CLEC12A: variants seen among roughly 807,000 people sequenced by gnomAD.
CLEC12A encodes C-type lectin protein CLL-1.
A neutral mutation model predicts 26.5 loss-of-function variants in CLEC12A; 22 were observed. That is an observed-to-expected ratio of 0.83 (90% CI 0.59 to 1.19). The LOEUF is 1.19. Among genes scored for constraint, CLEC12A ranks in the 50% most tolerant of loss-of-function variants. The pLI, the probability that CLEC12A is intolerant of heterozygous loss-of-function variation, is 0.00. For missense variants in CLEC12A, 353 were observed against 315.6 expected (o/e 1.12, Z -0.90); for synonymous variants, 119 against 101.9 (o/e 1.17, Z -1.01).
downstream of CLEC12A, chr12:9,986,056 G>A (rs2137214593): frequency 9.0e-6 from 4 of 443,000 alleles, no homozygotes; most frequent in Middle Eastern, 1.3e-3. Context: ...TATAGTTTGT[G>A]CAGCAGAGCA....
At chr12:9,952,616 G>C (rs1863641494) in intron 1 of CLEC12A, 2 of 170,950 alleles carry the variant, frequency 1.2e-5, no homozygotes. Context: ...GAAGTGAGGA[G>C]TGTCTCCGCC....
chr12:10,002,643 C>T, the CLEC12A span, among the ~76,000 whole-genome samples: 1 of 151,822 alleles, frequency 6.6e-6, no homozygotes, highest in Non-Finnish European at 1.5e-5. Context: ...GGGGTTTCAC[C>T]GTGTTAGCCA....
At chr12:9,986,290 C>A (rs1426388416), downstream of CLEC12A, 6 of 260,178 alleles carry the variant, frequency 2.3e-5, no homozygotes, top group East Asian at 1.1e-4. Flanking sequence ...AAATTATAAT[C>A]TGGTACTTGC....
chr12:9,961,669 G>A (rs1863830855), intron 1 of CLEC12A, among the ~76,000 whole-genome samples: 1 of 151,998 alleles, frequency 6.6e-6, no homozygotes, highest in Non-Finnish European at 1.5e-5. Flanking sequence ...AAACTTTTTG[G>A]TAGGAAGATC....
At position 9,979,081 on chromosome 12, in the gene CLEC12A, T is replaced by C. The variant is rs372550372; in HGVS notation, c.190+17T>C. 3.3e-5 allele frequency: 52 copies of C among 1,589,814 alleles called. No individual in the cohort carries two copies. The highest frequency in any genetic ancestry group is 4.5e-5 in the Non-Finnish European group (52 of 1,158,662). ...CAAGCATGTGTATGTACTGCCCCTG[T>C]TTTTGTCAAGAGGAAGTATCTAGAA... On this transcript the variant is annotated intron_variant, in intron 2 of 5. Coordinates refer to ENST00000304361, the MANE Select transcript of CLEC12A (RefSeq NM_138337.6).
At chr12:9,996,018 C>T (rs969732463), downstream of CLEC12A, among the ~76,000 whole-genome samples, 2 of 151,930 alleles carry the variant, frequency 1.3e-5, no homozygotes, top group African/African-American at 4.8e-5. Flanking sequence ...ATGTGAAGGC[C>T]AAATGCTTAT....
downstream of CLEC12A, chr12:9,985,712 T>G (rs886968389): frequency 2.7e-6 from 1 of 364,580 alleles, no homozygotes; most frequent in Non-Finnish European, 4.9e-6. Flanking sequence ...AAAAAAAATA[T>G]ATAGATAGAT....
intron 1 of CLEC12A, among the ~76,000 whole-genome samples, chr12:9,977,422 AAAAAC>A (rs1399728425): frequency 6.6e-6 from 1 of 152,210 alleles, no homozygotes; most frequent in Non-Finnish European, 1.5e-5. Flanking sequence ...TTGTTATTTT[AAAAAC>A]AAAACAAAAG....
At chr12:9,953,350 AGGGAGG>A (rs1863672999) in intron 1 of CLEC12A, 178 of 13,386 alleles carry the variant, frequency 0.013, 48 homozygotes, top group Admixed American at 0.024. Context: ...CCCGTCCGGG[AGGGAGG>A]TGGGGGGGTC....
chr12:9,994,833 GCACACA>G (rs34982294), intron 4 of CLEC12A, among the ~76,000 whole-genome samples: 1 of 150,766 alleles, frequency 6.6e-6, no homozygotes, highest in African/African-American at 2.4e-5. Context: ...GTGCATGCGC[GCACACA>G]CACACACACA....
At chr12:10,003,882 G>T in the CLEC12A span, among the ~76,000 whole-genome samples, 2 of 152,120 alleles carry the variant, frequency 1.3e-5, no homozygotes, top group African/African-American at 4.8e-5. Flanking sequence ...TGCCATTGCA[G>T]TCCAGCCTGG....
At chr12:10,003,243 C>A in the CLEC12A span, among the ~76,000 whole-genome samples, 1 of 152,148 alleles carries the variant, frequency 6.6e-6, no homozygotes, top group Non-Finnish European at 1.5e-5. Flanking sequence ...TTAATATTTT[C>A]TCCTTCATTT....
chr12:9,973,314 T>C (rs567417799), intron 1 of CLEC12A, among the ~76,000 whole-genome samples: 1 of 151,886 alleles, frequency 6.6e-6, no homozygotes, highest in East Asian at 1.9e-4. Flanking sequence ...AAAATTTTTT[T>C]AATTAACTGG....
At chr12:10,005,531 G>T in the CLEC12A span, among the ~76,000 whole-genome samples, 4,184 of 152,218 alleles carry the variant, frequency 0.027, 127 homozygotes, top group African/African-American at 0.06. Context: ...ATTTGTGGCA[G>T]GAATTAAATT....
intron 5 of CLEC12A, chr12:9,983,712 A>G (rs1184074109): frequency 4.1e-6 from 2 of 482,076 alleles, no homozygotes; most frequent in Non-Finnish European, 7.3e-6. Context: ...TTGGGCCATA[A>G]TGGCAAATAG....
intron 4 of CLEC12A, among the ~76,000 whole-genome samples, chr12:9,993,973 T>A (rs1208508878): frequency 6.6e-6 from 1 of 152,084 alleles, no homozygotes; most frequent in Non-Finnish European, 1.5e-5. Flanking sequence ...GAACTTTCAT[T>A]TAAGTGGGGC....
downstream of CLEC12A, among the ~76,000 whole-genome samples, chr12:9,988,101 T>C (rs1388422744): frequency 2.0e-5 from 3 of 152,176 alleles, no homozygotes; most frequent in Admixed American, 6.5e-5. Context: ...GGTCCAGGGA[T>C]GGAGTGATAT....
chr12:9,982,152 AT>A, intron 5 of CLEC12A, 23 bp downstream of exon 5: 1 of 1,296,124 alleles, frequency 7.7e-7, no homozygotes, highest in Non-Finnish European at 1.1e-6. Context: ...TCTTGTTAGA[AT>A]TTTATAGCTG....
downstream of CLEC12A, among the ~76,000 whole-genome samples, chr12:9,989,283 C>A (rs1336558603): frequency 2.0e-5 from 3 of 151,692 alleles, no homozygotes; most frequent in Non-Finnish European, 4.4e-5. Context: ...TTAATGGGTG[C>A]AGCACACCAA....
Sources: gnomAD v4.1 joint callset for allele counts (sites outside exome capture counted in the v4.1 genomes callset) on GRCh38, gnomAD v4.1.1 for gene constraint, MANE v1.5 for transcripts, NCBI Gene and HGNC (gene_info 2026-07-23, HGNC 2026-07-21) for gene names.